The following FIRRM variants were observed in gnomAD, a reference collection of about 807,000 sequenced individuals.
The protein encoded by FIRRM is FIGNL1 interacting regulator of recombination and mitosis.
the FIRRM span, among the ~76,000 whole-genome samples, chr1:169,789,664 G>A: frequency 6.6e-6 from 1 of 152,192 alleles, no homozygotes; most frequent in Non-Finnish European, 1.5e-5. Flanking sequence ...GACAATTTAG[G>A]AATGCAGAGG....
At chr1:169,814,857 GT>G in the FIRRM span, among the ~76,000 whole-genome samples, 102 of 152,270 alleles carry the variant, frequency 6.7e-4, no homozygotes, top group African/African-American at 2.3e-3. Flanking sequence ...CCACATGGGG[GT>G]TGGCACCCCT....
the FIRRM span, among the ~76,000 whole-genome samples, chr1:169,841,231 C>T: frequency 6.6e-6 from 1 of 152,068 alleles, no homozygotes; most frequent in East Asian, 1.9e-4. Flanking sequence ...GTCTTTAATT[C>T]TGCTTATGTG....
chr1:169,807,517 ATTTG>A, the FIRRM span, among the ~76,000 whole-genome samples: 1 of 152,170 alleles, frequency 6.6e-6, no homozygotes, highest in African/African-American at 2.4e-5. Context: ...GATTGTGTCC[ATTTG>A]TTTGACCCCT....
chr1:169,804,054 T>C, the FIRRM span: 1 of 1,405,310 alleles, frequency 7.1e-7, no homozygotes, highest in African/African-American at 1.4e-5. Context: ...TTTTCTCTCA[T>C]TTTTATTTAT....
the FIRRM span, among the ~76,000 whole-genome samples, chr1:169,833,771 C>T: frequency 6.6e-6 from 1 of 151,298 alleles, no homozygotes; most frequent in African/African-American, 2.4e-5. Flanking sequence ...GAATTTTCTA[C>T]TCCAGATATC....
the FIRRM span, chr1:169,803,262 C>G: frequency 2.5e-6 from 4 of 1,613,864 alleles, no homozygotes; most frequent in South Asian, 4.4e-5. Flanking sequence ...TCAGAGTCTC[C>G]CCTCCTCAGT....
the FIRRM span, among the ~76,000 whole-genome samples, chr1:169,789,999 G>T: frequency 6.6e-6 from 1 of 152,130 alleles, no homozygotes; most frequent in Non-Finnish European, 1.5e-5. Flanking sequence ...TGGAGAAATT[G>T]AATTTTAACC....
At chr1:169,810,092 C>T in the FIRRM span, among the ~76,000 whole-genome samples, 1 of 152,244 alleles carries the variant, frequency 6.6e-6, no homozygotes, top group South Asian at 2.1e-4. Context: ...GGCAAGACAG[C>T]TCCCTTCAAC....
chr1:169,791,000 C>T, the FIRRM span, among the ~76,000 whole-genome samples: 1 of 152,198 alleles, frequency 6.6e-6, no homozygotes, highest in South Asian at 2.1e-4. Flanking sequence ...AAGGAGTGCG[C>T]AAGCTAGATC....
chr1:169,853,211 A>G, the FIRRM span: 1 of 556,596 alleles, frequency 1.8e-6, no homozygotes, highest in Non-Finnish European at 3.2e-6. Context: ...TCCACAAAGA[A>G]CCATTTACTC....
At chr1:169,803,352 T>A in the FIRRM span, 1 of 1,581,262 alleles carries the variant, frequency 6.3e-7, no homozygotes, top group Non-Finnish European at 8.7e-7. Flanking sequence ...ATATAATCAA[T>A]GTGCATAGGG....
the FIRRM span, among the ~76,000 whole-genome samples, chr1:169,814,087 T>C: frequency 5.3e-5 from 8 of 152,346 alleles, no homozygotes; most frequent in African/African-American, 1.9e-4. Context: ...TGAAGATATA[T>C]GTACCTGATT....
chr1:169,844,183 A>G, the FIRRM span, among the ~76,000 whole-genome samples: 2 of 152,224 alleles, frequency 1.3e-5, no homozygotes, highest in Non-Finnish European at 2.9e-5. Context: ...AAAAAATAAA[A>G]TTATTTTGAA....
the FIRRM span, chr1:169,832,383 C>G: frequency 7.0e-7 from 1 of 1,430,612 alleles, no homozygotes; most frequent in Non-Finnish European, 9.8e-7. Flanking sequence ...CTAAATTAGT[C>G]AGTCTCTCCT....
At chr1:169,834,743 C>T in the FIRRM span, among the ~76,000 whole-genome samples, 537 of 152,144 alleles carry the variant, frequency 3.5e-3, 4 homozygotes, top group African/African-American at 0.012. Flanking sequence ...AGTTCAAGTC[C>T]AGCCGGACAA....
the FIRRM span, chr1:169,823,299 A>AATTATTTATTT: frequency 1.7e-6 from 1 of 573,434 alleles, no homozygotes; most frequent in African/African-American, 1.9e-5. Context: ...AATTTTTTTA[A>AATTATTTATTT]AAGGGGTCAC....
chr1:169,836,053 ATTT>A, the FIRRM span, among the ~76,000 whole-genome samples: 35,919 of 142,088 alleles, frequency 0.25, 4,329 homozygotes, highest in South Asian at 0.34. Context: ...GTCAGATTTA[ATTT>A]TTTTTTTTTT....
At chr1:169,812,517 T>C in the FIRRM span, among the ~76,000 whole-genome samples, 3 of 152,198 alleles carry the variant, frequency 2.0e-5, no homozygotes. Context: ...GAATAAACTT[T>C]GTGCTTTTAA....
At chr1:169,844,427 G>A in the FIRRM span, among the ~76,000 whole-genome samples, 604 of 152,344 alleles carry the variant, frequency 4.0e-3, 1 homozygote, top group South Asian at 0.011. Context: ...GTTAGCTTAA[G>A]CTCAGGGTCA....
Sources: gnomAD v4.1 joint callset for allele counts (sites outside exome capture counted in the v4.1 genomes callset) on GRCh38, gnomAD v4.1.1 for gene constraint, MANE v1.5 for transcripts, NCBI Gene and HGNC (gene_info 2026-07-23, HGNC 2026-07-21) for gene names.